The following SMCHD1 variants were observed in gnomAD, a reference collection of about 807,000 sequenced individuals.
SMCHD1 encodes structural maintenance of chromosomes flexible hinge domain containing 1, also known as structural maintenance of chromosomes flexible hinge domain-containing protein 1.
Under a neutral mutation model 254.7 loss-of-function variants are expected in SMCHD1, and 78 were observed. That is an observed-to-expected ratio of 0.31 (90% CI 0.26 to 0.37). The LOEUF is 0.37. SMCHD1 is among the 10% of genes least tolerant of loss of function. The pLI is 1.00. For missense variants in SMCHD1, 1,840 were observed against 2,408.1 expected (o/e 0.76, Z 4.94); for synonymous variants, 766 against 794.9 (o/e 0.96, Z 0.61).
chr18:2,657,066 A>T (rs530063754), intron 1 of SMCHD1, among the ~76,000 whole-genome samples: 1 of 152,214 alleles, frequency 6.6e-6, no homozygotes, highest in Non-Finnish European at 1.5e-5. Flanking sequence ...GAATATTGTC[A>T]TGCTCTGAAT....
At chr18:2,752,724 C>T in intron 34 of SMCHD1, 172 bp downstream of exon 34, 1 of 540,070 alleles carries the variant, frequency 1.9e-6, no homozygotes, top group Non-Finnish European at 3.3e-6. Flanking sequence ...CGTTTTTAAG[C>T]ATTAAATTGG....
intron 29 of SMCHD1, among the ~76,000 whole-genome samples, chr18:2,745,276 C>T (rs1006316623): frequency 2.0e-5 from 3 of 152,286 alleles, no homozygotes; most frequent in East Asian, 1.9e-4. Flanking sequence ...GCCTCATTCT[C>T]GCAAAGTTCT....
Position 2,722,680 on chromosome 18 carries a change from A to G in SMCHD1, c.2603+17A>G, listed in dbSNP as rs149933615. ...TGAAGCAAGGTAATTTGAAGGATCAATATGTATTTGTCCTTTGATATTTGC... is the reference window on the plus strand; with the variant it reads ...TGAAGCAAGGTAATTTGAAGGATCAGTATGTATTTGTCCTTTGATATTTGC... On this transcript the variant is annotated intron_variant, in intron 20 of 47. Transcript: ENST00000320876. 58 of 1,600,594 alleles carry G rather than the reference A, an allele frequency of 3.6e-5. No individual in the cohort carries two copies. The African/African-American group carries it at 5.9e-4, about 16-fold the overall frequency.
chr18:2,672,933 T>G (rs1452084294), intron 3 of SMCHD1: 1 of 308,732 alleles, frequency 3.2e-6, no homozygotes, highest in African/African-American at 2.3e-5. Context: ...GACTTGTGCT[T>G]GATGTAATTA....
chr18:2,656,027 C>T lies in SMCHD1; in HGVS notation c.-49C>T, dbSNP rs993706082. On this transcript the variant is annotated 5_prime_UTR_variant, in exon 1 of 48. Transcript: ENST00000320876. ...GCCGCGCGGAGCGCGCACCTCAGCC[C>T]TGAGCCCGGCGGCGGCAGGCGTCGC... 7.7e-7 allele frequency: 1 copy of T among 1,302,524 alleles called. No homozygotes were observed. The highest frequency in any genetic ancestry group is 9.8e-7 in the Non-Finnish European group (1 of 1,024,222). 80.7% of individuals were successfully genotyped at this position (1,302,524 alleles called of 1,614,324 possible).
In SMCHD1 at chr18:2,743,842, C is replaced by T. The variant is rs771294371; in HGVS notation, c.3715C>T (p.Arg1239Cys). 3 of 1,612,912 alleles carry T rather than the reference C, an allele frequency of 1.9e-6. No homozygotes were observed. The highest frequency in any genetic ancestry group is 2.7e-5 in the African/African-American group (2 of 74,994). ...PGNKDLCFTWREFSDFIRVQL... is the reference protein window; with the variant it reads ...PGNKDLCFTWCEFSDFIRVQL... ...AAATAAGGATCTTTGTTTTACTTGG[C>T]GTGAGTTTTCTGACTTTATTCGAGT... Residue 1239 changes from arginine to cysteine, a missense_variant, in exon 29 of 48, where the codon CGT becomes TGT. By Grantham distance (180) the Arg-to-Cys change is radical. Around this residue, in one of 9 missense-constraint regions of SMCHD1, gnomAD observed 881 missense variants for 1,009.5 expected, o/e 0.87. Coordinates refer to ENST00000320876, the MANE Select transcript of SMCHD1 (RefSeq NM_015295.3).
intron 28 of SMCHD1, among the ~76,000 whole-genome samples, chr18:2,742,242 G>C (rs76358667): frequency 0.015 from 2,297 of 152,194 alleles, 46 homozygotes; most frequent in African/African-American, 0.052. Context: ...CAGCCAAGTG[G>C]ACTTTTTTTC....
intron 1 of SMCHD1, among the ~76,000 whole-genome samples, chr18:2,657,182 G>A (rs532632188): frequency 1.3e-5 from 2 of 152,302 alleles, no homozygotes; most frequent in South Asian, 4.1e-4. Flanking sequence ...GTTTAGAAAT[G>A]TTCTAGACCA....
At position 2,746,587 on chromosome 18, in the gene SMCHD1, T is replaced by C. The variant is rs537306123; in HGVS notation, c.3802-935T>C. Among the ~76,000 whole-genome samples the C allele has an allele frequency of 2.0e-5, 3 of 152,344 alleles. No individual in the cohort carries two copies. The East Asian group carries it at 5.8e-4, about 29-fold the overall frequency. On this transcript the variant is annotated intron_variant, in intron 29 of 47. Transcript: ENST00000320876. The stretch of plus-strand genomic sequence containing the variant: ...ACCAATCTCAAGGGTGTTTGGTTTT[T>C]TTCATAATGTCTTATTCATAGCAGA...
intron 3 of SMCHD1, among the ~76,000 whole-genome samples, chr18:2,672,711 G>A (rs993441103): frequency 2.0e-5 from 3 of 152,226 alleles, no homozygotes; most frequent in Non-Finnish European, 2.9e-5. Context: ...TGAATGTCAC[G>A]TTGGTGGTGT....
chr18:2,731,502 G>T (rs2075139445), intron 24 of SMCHD1, among the ~76,000 whole-genome samples: 1 of 152,030 alleles, frequency 6.6e-6, no homozygotes, highest in African/African-American at 2.4e-5. Context: ...AAACAACCTT[G>T]ATCACTTACC....
chr18:2,708,919 A>C (rs1229163667), intron 17 of SMCHD1, among the ~76,000 whole-genome samples: 1 of 74,450 alleles, frequency 1.3e-5, no homozygotes, highest in Admixed American at 1.5e-4. Flanking sequence ...ACATATTAAC[A>C]TGAAATTTAT....
chr18:2,659,763 G>GAAAAAAAAAAAAAAAAAAAAAA, intron 1 of SMCHD1, among the ~76,000 whole-genome samples: 1 of 115,488 alleles, frequency 8.7e-6, no homozygotes, highest in Non-Finnish European at 1.9e-5. Flanking sequence ...TTGAGATTTT[G>GAAAAAAAAAAAAAAAAAAAAAA]AAAAAAAAAA....
intron 17 of SMCHD1, among the ~76,000 whole-genome samples, chr18:2,708,425 G>A (rs997981956): frequency 1.3e-5 from 2 of 152,082 alleles, no homozygotes; most frequent in Non-Finnish European, 2.9e-5. Context: ...CAGCTACTCG[G>A]AAGGCTGAGG....
chr18:2,720,625 G>A (rs2074904869), intron 19 of SMCHD1, among the ~76,000 whole-genome samples: 1 of 152,076 alleles, frequency 6.6e-6, no homozygotes, highest in African/African-American at 2.4e-5. Context: ...CTGCTAAAAG[G>A]GTACAAGACC....
At chr18:2,785,048 G>A in intron 45 of SMCHD1, 1 of 314,330 alleles carries the variant, frequency 3.2e-6, no homozygotes, top group Admixed American at 4.7e-5. Flanking sequence ...TAACTATCTA[G>A]AACAATTAAG....
chr18:2,703,635 A>G, intron 12 of SMCHD1, 57 bp from the exon 13 acceptor site: 2 of 1,350,872 alleles, frequency 1.5e-6, no homozygotes, highest in Admixed American at 2.2e-5. Flanking sequence ...ACAAATGTTT[A>G]TGGTTATATT....
At chr18:2,743,521 A>AGATAAAT (rs2075390628) in intron 28 of SMCHD1, among the ~76,000 whole-genome samples, 1 of 152,138 alleles carries the variant, frequency 6.6e-6, no homozygotes, top group East Asian at 1.9e-4. Context: ...AAAAGATAAA[A>AGATAAAT]TAAAGAGACA....
intron 29 of SMCHD1, 24 bp downstream of exon 29, chr18:2,743,952 G>A (rs776949929): frequency 5.1e-6 from 8 of 1,562,398 alleles, no homozygotes; most frequent in Non-Finnish European, 6.9e-6. Context: ...TGTCTTCACT[G>A]AAAGAATTTA....
Sources: allele counts gnomAD v4.1 joint callset (sites outside exome capture counted in the v4.1 genomes callset), GRCh38; gene constraint gnomAD v4.1.1; regional missense constraint gnomAD v4.1.1; transcripts MANE v1.5; gene names NCBI Gene and HGNC (gene_info 2026-07-23, HGNC 2026-07-21).